Variants in GRIK5 observed in about 807,000 individuals in gnomAD.
GRIK5 encodes glutamate receptor ionotropic, kainate 5.
A neutral mutation model predicts 97.4 loss-of-function variants in GRIK5; 43 were observed. That is an observed-to-expected ratio of 0.44 (90% CI 0.35 to 0.57). The LOEUF (loss-of-function observed/expected upper bound fraction) is 0.57. Among genes scored for constraint, GRIK5 ranks in the 20% least tolerant of loss-of-function variants. The pLI is 0.01. For synonymous variants in GRIK5, 580 were observed against 583.5 expected (o/e 0.99, Z 0.09); for missense variants, 1,015 against 1,382.0 (o/e 0.73, Z 4.21).
chr19:41,999,427 C>T lies in GRIK5; in HGVS notation c.2515-128G>A, dbSNP rs934776790. 7.3e-5 allele frequency: 49 copies of T among 674,236 alleles called. No individual in the cohort carries two copies. Among genetic ancestry groups the T allele is most frequent in the Non-Finnish European group, 1.2e-4 (49 of 423,864 alleles). 41.8% of individuals were successfully genotyped at this position (674,236 alleles called of 1,614,324 possible). A position where few individuals can be genotyped will look rare whatever the true frequency, so the allele number is the denominator to read the frequency against. Reference sequence around the variant, plus strand: ...CTTTCTTCCTTCTGCCCTCGCTTCCCTTCCCACTTCTCTTCCCTTTATCTC... The same window carrying T: ...CTTTCTTCCTTCTGCCCTCGCTTCCTTTCCCACTTCTCTTCCCTTTATCTC... On this transcript the variant is annotated intron_variant, in intron 19 of 19. Transcript: ENST00000593562. The surrounding 1 kb of genome is among the most constrained non-coding windows in gnomAD (Gnocchi z 5.0).
Position 42,065,549 on chromosome 19 carries a change from C to T in GRIK5, c.79+143G>A. The T allele has an allele frequency of 1.0e-6, 1 of 982,952 alleles. No individual in the cohort carries two copies. 60.9% of individuals were successfully genotyped at this position (982,952 alleles called of 1,614,324 possible). A position where few individuals can be genotyped will look rare whatever the true frequency, so the allele number is the denominator to read the frequency against. ...GAGCTAGGGGTCTGGACTCCTGGGT[C>T]CTGGGGGAAGGAGGAACTGGAGGCT... is the stretch of plus-strand genomic sequence containing the variant. On this transcript the variant is annotated intron_variant, in intron 2 of 19. Coordinates refer to ENST00000593562, the MANE Select transcript of GRIK5 (RefSeq NM_002088.5). This position sits in a 1 kb window ranked among gnomAD's most constrained non-coding sequence, Gnocchi z 5.8.
chr19:42,062,490 T>C lies in GRIK5; in HGVS notation c.506A>G (p.Glu169Gly). ...PSASLICAKA[E>G]CLLRLEELVR... ...CAAAACATTCAGTTCTCCCTCACAC[T>C]CAGCCTTGGCGCAGATGAGGCTGGC... The change falls in exon 5 of 20, where the codon GAG (glutamate) becomes GGG (glycine). Residue 169 changes from glutamate to glycine, a missense_variant and splice_region_variant. Physicochemically the swap from Glu to Gly is moderately conservative, Grantham distance 98 (BLOSUM62 -2). This residue lies in a region of GRIK5 where 477 missense variants were observed against 701.1 expected (regional missense o/e 0.68). Transcript: ENST00000593562. This position sits in a 1 kb window ranked among gnomAD's most constrained non-coding sequence, Gnocchi z 5.3. The C allele has an allele frequency of 1.2e-6, 2 of 1,614,032 alleles. No homozygotes were observed. Among genetic ancestry groups the C allele is most frequent in the Non-Finnish European group, 1.7e-6 (2 of 1,179,978 alleles).
intron 15 of GRIK5, among the ~76,000 whole-genome samples, chr19:42,018,149 TAAAAAAAAAAAA>T (rs11452086): frequency 6.4e-5 from 4 of 62,808 alleles, no homozygotes; most frequent in African/African-American, 1.4e-4. Context: ...CCATCTCTAC[TAAAAAAAAAAAA>T]AAAAAAAAAA....
At chr19:42,053,486 C>G in intron 11 of GRIK5, 116 bp downstream of exon 11, 1 of 664,772 alleles carries the variant, frequency 1.5e-6, no homozygotes, top group South Asian at 1.7e-5. Flanking sequence ...TGCAGGAATC[C>G]CAGCCCCCAC....
rs769932726 is a variant in GRIK5 at position 42,042,774 on chromosome 19, G to A, written c.1270-19C>T. The A allele has an allele frequency of 1.2e-6, 2 of 1,601,012 alleles. No homozygotes were observed. Among genetic ancestry groups the A allele is most frequent in the Non-Finnish European group, 1.7e-6 (2 of 1,171,044 alleles). On this transcript the variant is annotated intron_variant, in intron 11 of 19. Coordinates refer to ENST00000593562, the MANE Select transcript of GRIK5 (RefSeq NM_002088.5). The surrounding 1 kb of genome is among the most constrained non-coding windows in gnomAD (Gnocchi z 6.9). ...GGTTCTCCTGGGTGGGCAGAAGAAA[G>A]CAGGGGTCAGAGGCTGGGTGTCTAG...
intron 12 of GRIK5, among the ~76,000 whole-genome samples, chr19:42,024,091 C>T (rs893953622): frequency 6.6e-6 from 1 of 152,146 alleles, no homozygotes; most frequent in African/African-American, 2.4e-5. Context: ...CACATGCTCT[C>T]CCCCAAGCTC....
At chr19:42,058,339 C>T (rs1014482790) in intron 6 of GRIK5, among the ~76,000 whole-genome samples, 3 of 151,542 alleles carry the variant, frequency 2.0e-5, no homozygotes, top group Non-Finnish European at 2.9e-5. Flanking sequence ...CGCCACCACG[C>T]CCGGCTAATT....
intron 11 of GRIK5, among the ~76,000 whole-genome samples, chr19:42,043,917 A>G (rs2076011002): frequency 6.6e-6 from 1 of 152,152 alleles, no homozygotes; most frequent in African/African-American, 2.4e-5. Context: ...CTAAAATAAA[A>G]TAACATAAAT....
Position 42,069,865 on chromosome 19 carries a change from GTGGAGAGCTGGGGAGGA to G in GRIK5, c.-692_-676del, listed in dbSNP as rs998454823. Among the ~76,000 whole-genome samples, 6 of 152,130 alleles carry G rather than the reference GTGGAGAGCTGGGGAGGA, an allele frequency of 3.9e-5. No homozygotes were observed. On this transcript the variant is annotated 5_prime_UTR_variant, in exon 1 of 20. Coordinates refer to ENST00000593562, the MANE Select transcript of GRIK5 (RefSeq NM_002088.5). ...TGCTGGGGGCGGGGAGAGCCCGGGA[GTGGAGAGCTGGGGAGGA>G]TGGAGAGCTGGGAGACCCGGAGAGG...
intron 15 of GRIK5, among the ~76,000 whole-genome samples, chr19:42,015,246 C>A (rs2075610560): frequency 6.6e-6 from 1 of 152,120 alleles, no homozygotes. Flanking sequence ...ATTGATGGAA[C>A]AAGTAGAAAA....
chr19:42,006,055 A>G lies in GRIK5; in HGVS notation c.2038-107T>C. 3.0e-6 allele frequency: 2 copies of G among 671,928 alleles called. No homozygotes were observed. The highest frequency in any genetic ancestry group is 5.5e-6 in the Non-Finnish European group (2 of 366,692). The allele number at this position is 671,928 out of a possible 1,614,324, so 41.6% of individuals were successfully genotyped here. A position where few individuals can be genotyped will look rare whatever the true frequency, so the allele number is the denominator to read the frequency against. ...AGTCTCCCTCAACCCAGGAGAATGC[A>G]AGGTGATCAAAGGAAGACAGAGCCA... is the stretch of plus-strand genomic sequence containing the variant. On this transcript the variant is annotated intron_variant, in intron 16 of 19. Coordinates refer to ENST00000593562, the MANE Select transcript of GRIK5 (RefSeq NM_002088.5). The surrounding 1 kb of genome is among the most constrained non-coding windows in gnomAD (Gnocchi z 5.3).
chr19:42,058,140 T>C (rs1187483295), intron 6 of GRIK5, among the ~76,000 whole-genome samples: 2 of 152,206 alleles, frequency 1.3e-5, no homozygotes, highest in African/African-American at 4.8e-5. Context: ...CTGTTCACAC[T>C]TCCTGCGGGC....
At chr19:42,044,110 C>A (rs1161914447) in intron 11 of GRIK5, among the ~76,000 whole-genome samples, 2 of 152,126 alleles carry the variant, frequency 1.3e-5, no homozygotes, top group East Asian at 3.9e-4. Flanking sequence ...TTATAATGGG[C>A]TCTTCCCCCT....
At chr19:42,005,592 C>CCATACAGCCAGG in intron 17 of GRIK5, 131 bp downstream of exon 17, 1 of 663,454 alleles carries the variant, frequency 1.5e-6, no homozygotes, top group South Asian at 1.7e-5. Flanking sequence ...CTGCCCAAGA[C>CCATACAGCCAGG]CATACAGCCA....
chr19:42,045,212 T>C (rs1032659158), intron 11 of GRIK5, among the ~76,000 whole-genome samples: 3 of 152,246 alleles, frequency 2.0e-5, no homozygotes, highest in Admixed American at 6.5e-5. Flanking sequence ...CATTTCTCCC[T>C]GGGTTCAGAC....
Position 41,998,808 on chromosome 19 carries a change from TG to T in GRIK5, c.*62del. ...CGCCCGCTGCGGGAGCGGAGACTGC[TG>T]GGGCCTGGGGCGGGCCCCGTCCCTT... On this transcript the variant is annotated 3_prime_UTR_variant, in exon 20 of 20. Coordinates refer to ENST00000593562, the MANE Select transcript of GRIK5 (RefSeq NM_002088.5). The T allele has an allele frequency of 1.2e-6, 1 of 847,386 alleles. No individual in the cohort carries two copies. The highest frequency in any genetic ancestry group is 1.5e-6 in the Non-Finnish European group (1 of 681,996). 52.5% of individuals were successfully genotyped at this position (847,386 alleles called of 1,614,324 possible).
Position 41,999,026 on chromosome 19 carries a change from C to A in GRIK5, c.2788G>T (p.Val930Leu), listed in dbSNP as rs1362288294. 41 of 943,034 alleles carry A rather than the reference C, an allele frequency of 4.3e-5. No homozygotes were observed. The South Asian group carries it at 1.2e-3, about 28-fold the overall frequency. 58.4% of individuals were successfully genotyped at this position (943,034 alleles called of 1,614,324 possible). A position where few individuals can be genotyped will look rare whatever the true frequency, so the allele number is the denominator to read the frequency against. ...RPAAPTPCTHVRVCQECRRIQ... is the reference protein window; with the variant it reads ...RPAAPTPCTHLRVCQECRRIQ... ...CGCCGGCACTCCTGGCAGACGCGCA[C>A]GTGGGTGCAGGGGGTGGGGGCGGCG... Residue 930 changes from valine to leucine, a missense_variant, in exon 20 of 20, where the codon GTG becomes TTG. This residue lies in a region of GRIK5 where 109 missense variants were observed against 100.4 expected (regional missense o/e 1.09). Coordinates refer to ENST00000593562, the MANE Select transcript of GRIK5 (RefSeq NM_002088.5). The surrounding 1 kb of genome is among the most constrained non-coding windows in gnomAD (Gnocchi z 5.0).
chr19:42,045,429 C>G (rs999963323), intron 11 of GRIK5, among the ~76,000 whole-genome samples: 2 of 152,244 alleles, frequency 1.3e-5, no homozygotes, highest in Admixed American at 1.3e-4. Flanking sequence ...AGTCTGGACA[C>G]CAGCTGAATG....
Position 42,003,124 on chromosome 19 carries a change from T to A in GRIK5, c.2514+208A>T, listed in dbSNP as rs1298201094. ...CCTCCTCTCCCTGCATCCTCATTGC[T>A]CCCTGTGCCTACTTTCCCTCCTGTT... On this transcript the variant is annotated intron_variant, in intron 19 of 19. Coordinates refer to ENST00000593562, the MANE Select transcript of GRIK5 (RefSeq NM_002088.5). The surrounding 1 kb of genome is among the most constrained non-coding windows in gnomAD (Gnocchi z 4.2). 6.6e-6 allele frequency among the ~76,000 whole-genome samples: 1 copy of A among 152,000 alleles called. No individual in the cohort carries two copies. Among genetic ancestry groups the A allele is most frequent in the Non-Finnish European group, 1.5e-5 (1 of 68,008 alleles).
Sources: allele counts gnomAD v4.1 joint callset (sites outside exome capture counted in the v4.1 genomes callset), GRCh38; gene constraint gnomAD v4.1.1; regional missense constraint gnomAD v4.1.1; non-coding constraint Gnocchi (gnomAD v3.1); transcripts MANE v1.5; gene names NCBI Gene and HGNC (gene_info 2026-07-23, HGNC 2026-07-21).